Variants in CMSS1 observed in about 807,000 individuals in gnomAD.
The protein encoded by CMSS1 is protein CMSS1.
Under a neutral mutation model 43.5 loss-of-function variants are expected in CMSS1, and 33 were observed. The observed-to-expected ratio is 0.76, with a 90% CI of 0.57 to 1.01. The LOEUF is 1.01. CMSS1 is among the 50% of genes least tolerant of loss of function. CMSS1 has a pLI of 0.00. For missense variants in CMSS1, 313 were observed against 326.4 expected (o/e 0.96, Z 0.32); for synonymous variants, 115 against 117.2 (o/e 0.98, Z 0.12).
At chr3:99,995,954 C>G (rs183453388) in intron 1 of CMSS1, among the ~76,000 whole-genome samples, 20 of 152,306 alleles carry the variant, frequency 1.3e-4, no homozygotes, top group Admixed American at 7.8e-4. Context: ...CTCTGACATG[C>G]CCTGGAGACA....
At chr3:100,107,653 G>A (rs1469105275) in intron 1 of CMSS1, among the ~76,000 whole-genome samples, 1 of 152,030 alleles carries the variant, frequency 6.6e-6, no homozygotes, top group Non-Finnish European at 1.5e-5. Flanking sequence ...TTTAAAAGGA[G>A]TAATTTAACG....
At chr3:100,004,033 T>A (rs1346728429) in intron 1 of CMSS1, among the ~76,000 whole-genome samples, 1 of 152,160 alleles carries the variant, frequency 6.6e-6, no homozygotes, top group Non-Finnish European at 1.5e-5. Flanking sequence ...TCTCTCAGGG[T>A]AAGCATCTTG....
chr3:100,097,724 C>G (rs1275447820), intron 1 of CMSS1, among the ~76,000 whole-genome samples: 1 of 152,084 alleles, frequency 6.6e-6, no homozygotes, highest in Non-Finnish European at 1.5e-5. Flanking sequence ...ATAATTAGTT[C>G]TGGATTTGAA....
chr3:99,948,281 C>T (rs1187399018), intron 1 of CMSS1, among the ~76,000 whole-genome samples: 3 of 151,836 alleles, frequency 2.0e-5, no homozygotes, highest in African/African-American at 7.3e-5. Context: ...TCACTTGAGC[C>T]CCGGAGTTTG....
intron 1 of CMSS1, among the ~76,000 whole-genome samples, chr3:99,891,238 G>A (rs749387544): frequency 4.6e-5 from 7 of 151,908 alleles, no homozygotes; most frequent in Non-Finnish European, 7.4e-5. Flanking sequence ...TTACCCTTTC[G>A]TCTGGGTAAT....
rs557577960 is a variant in CMSS1 at position 99,951,818 on chromosome 3, C to CT, written c.64+133776dup. 6.5e-4 allele frequency among the ~76,000 whole-genome samples: 99 copies of CT among 152,304 alleles called. 1 individual carries two copies. In the South Asian group the frequency reaches 0.02, roughly 30 times the overall value. ...AGTTTCTGCCACAACTACTCAAACT[C>CT]TATCTTTCCAGAAAGCAGCTATGGA... On this transcript the variant is annotated intron_variant, in intron 1 of 9. Transcript: ENST00000421999.
At chr3:99,933,265 G>C (rs1707546352) in intron 1 of CMSS1, among the ~76,000 whole-genome samples, 1 of 152,154 alleles carries the variant, frequency 6.6e-6, no homozygotes, top group Non-Finnish European at 1.5e-5. Context: ...TTACTGAAGA[G>C]ACTATTTACA....
rs2067116829 is a variant in CMSS1, at chr3:100,172,299, C to G, written c.580-17C>G. On this transcript the variant is annotated splice_polypyrimidine_tract_variant and intron_variant, in intron 7 of 9. Coordinates refer to ENST00000421999, the MANE Select transcript of CMSS1 (RefSeq NM_032359.4). ...TTAATGACTTCCTTTTCTTTCTTCT[C>G]TTTCATCTTGGAACAGGTCCAGGCG... is the stretch of plus-strand genomic sequence containing the variant. 3.7e-6 allele frequency: 6 copies of G among 1,609,944 alleles called. No individual in the cohort carries two copies. In the South Asian group the frequency reaches 5.5e-5, roughly 15 times the overall value.
intron 3 of CMSS1, among the ~76,000 whole-genome samples, chr3:100,161,667 G>T (rs957576134): frequency 6.6e-6 from 1 of 150,790 alleles, no homozygotes; most frequent in Non-Finnish European, 1.5e-5. Context: ...ATGATTGTGG[G>T]TTTCTACTAC....
At chr3:99,961,896 T>C in intron 1 of CMSS1, among the ~76,000 whole-genome samples, 1 of 78,788 alleles carries the variant, frequency 1.3e-5, no homozygotes, top group African/African-American at 7.7e-5. Context: ...AGCTAGAAAC[T>C]AGGGAAGCAC....
chr3:100,130,703 T>A (rs1180646132), intron 1 of CMSS1, among the ~76,000 whole-genome samples: 1 of 152,240 alleles, frequency 6.6e-6, no homozygotes, highest in East Asian at 1.9e-4. Flanking sequence ...CTCCTTTACA[T>A]ATTCTCAATG....
At chr3:99,906,289 G>GTTGAAACTCCCTTTCACATGCTT (rs1432552617) in intron 1 of CMSS1, among the ~76,000 whole-genome samples, 23 of 152,268 alleles carry the variant, frequency 1.5e-4, no homozygotes, top group Admixed American at 1.3e-4. Flanking sequence ...GATTTATAAT[G>GTTGAAACTCCCTTTCACATGCTT]TTGAAACTCC....
intron 1 of CMSS1, among the ~76,000 whole-genome samples, chr3:99,940,793 A>C (rs1311785179): frequency 6.6e-6 from 1 of 152,222 alleles, no homozygotes; most frequent in Non-Finnish European, 1.5e-5. Context: ...GCCTAGGCCA[A>C]CCCAGCCTAA....
At chr3:100,083,535 T>G (rs370674144) in intron 1 of CMSS1, among the ~76,000 whole-genome samples, 2 of 152,344 alleles carry the variant, frequency 1.3e-5, no homozygotes, top group South Asian at 2.1e-4. Flanking sequence ...CATTGTGACA[T>G]TTTCCCGTCT....
At chr3:100,028,624 T>G (rs1007844208) in intron 1 of CMSS1, among the ~76,000 whole-genome samples, 68 of 152,190 alleles carry the variant, frequency 4.5e-4, no homozygotes, top group Non-Finnish European at 9.4e-4. Flanking sequence ...AATAAATACA[T>G]GTAAATTATA....
At chr3:100,050,913 C>G (rs1051415789) in intron 1 of CMSS1, among the ~76,000 whole-genome samples, 1 of 152,118 alleles carries the variant, frequency 6.6e-6, no homozygotes, top group African/African-American at 2.4e-5. Flanking sequence ...GGAAGTGGCT[C>G]CTTGTGGAAG....
At chr3:100,054,181 G>A (rs1487798296) in intron 1 of CMSS1, among the ~76,000 whole-genome samples, 1 of 152,210 alleles carries the variant, frequency 6.6e-6, no homozygotes, top group Non-Finnish European at 1.5e-5. Context: ...CCATTGTACT[G>A]TGAAGGAGGT....
chr3:100,036,257 C>T lies in CMSS1; in HGVS notation c.65-110716C>T, dbSNP rs140928576. Among the ~76,000 whole-genome samples, 27 of 152,262 alleles carry T rather than the reference C, an allele frequency of 1.8e-4. No individual in the cohort carries two copies. In the East Asian group the frequency reaches 5.2e-3, roughly 29 times the overall value. On this transcript the variant is annotated intron_variant, in intron 1 of 9. Coordinates refer to ENST00000421999, the MANE Select transcript of CMSS1 (RefSeq NM_032359.4). ...CATAAAGCTTCTACATCTCATTTCC[C>T]ACTAAGAGGAACAAAGCCTTCTTGG...
chr3:99,833,321 T>C (rs1432179847), intron 1 of CMSS1: 3 of 1,429,256 alleles, frequency 2.1e-6, no homozygotes, highest in Admixed American at 1.8e-5. Flanking sequence ...TCTAAAAGTG[T>C]TGGTTTGTTT....
Sources: allele counts gnomAD v4.1 joint callset (sites outside exome capture counted in the v4.1 genomes callset), GRCh38; gene constraint gnomAD v4.1.1; transcripts MANE v1.5; gene names NCBI Gene and HGNC (gene_info 2026-07-23, HGNC 2026-07-21).